The following TNIK variants were observed in gnomAD, a reference collection of about 807,000 sequenced individuals.
The protein encoded by TNIK is TRAF2 and NCK-interacting protein kinase.
A neutral mutation model predicts 191.3 loss-of-function variants in TNIK; 49 were observed. The ratio of observed to expected loss-of-function variants is 0.26; its 90% CI spans 0.20 to 0.32. The LOEUF (loss-of-function observed/expected upper bound fraction) is 0.32, where lower values mean the gene tolerates loss of function less well. Ranked by LOEUF, TNIK falls within the 10% of genes least tolerant of loss-of-function variation. The pLI, the probability that TNIK is intolerant of heterozygous loss-of-function variation, is 1.00. For synonymous variants in TNIK, 594 were observed against 600.9 expected, an observed-to-expected ratio of 0.99 and a Z score of 0.17; for missense variants, 1,155 against 1,702.3, an observed-to-expected ratio of 0.68 and a Z score of 5.66.
At position 171,108,034 on chromosome 3, in the gene TNIK, G is replaced by T. The variant is rs1022371965; in HGVS notation, c.2382+31C>A. ...CTGTGGGTTCTCTGGTAAATTAAGA[G>T]TTCAAAACTCTTGGAGAGAAAAGCA... On this transcript the variant is annotated intron_variant, in intron 20 of 32. Transcript: ENST00000436636. The T allele has an allele frequency of 1.5e-5, 23 of 1,549,570 alleles. No individual in the cohort carries two copies. The Admixed American group carries it at 4.5e-4, about 30-fold the overall frequency.
chr3:171,086,074 TC>T (rs1721325750), intron 24 of TNIK, among the ~76,000 whole-genome samples: 1 of 152,212 alleles, frequency 6.6e-6, no homozygotes, highest in African/African-American at 2.4e-5. Context: ...TCCTTTAACA[TC>T]ATAAACACAT....
intron 28 of TNIK, among the ~76,000 whole-genome samples, chr3:171,076,872 A>C (rs1720027831): frequency 6.6e-6 from 1 of 151,772 alleles, no homozygotes; most frequent in Non-Finnish European, 1.5e-5. Flanking sequence ...TGTAGTATGG[A>C]AAGGATTTAA....
Position 171,218,934 on chromosome 3 carries a change from A to C in TNIK, c.181-7693T>G, listed in dbSNP as rs1303009965. ...TTAAATATATATTTTTATATGTTTT[A>C]TATATATTTAATATATAATAAATAT... On this transcript the variant is annotated intron_variant, in intron 3 of 32. Transcript: ENST00000436636. Among the ~76,000 whole-genome samples the C allele has an allele frequency of 1.2e-3, 152 of 132,108 alleles. 2 individuals are homozygous for C. Among genetic ancestry groups the C allele is most frequent in the African/African-American group, 4.1e-3 (143 of 35,244 alleles). The allele number at this position is 132,108 out of a possible 152,430, so 86.7% of individuals were successfully genotyped here.
chr3:171,102,105 C>T (rs1167418685), intron 21 of TNIK: 2 of 152,776 alleles, frequency 1.3e-5, no homozygotes, highest in Non-Finnish European at 2.9e-5. Flanking sequence ...TAGAACAGAG[C>T]AACTCCCAAG....
At chr3:171,422,534 C>T (rs1723956635) in intron 1 of TNIK, among the ~76,000 whole-genome samples, 1 of 152,036 alleles carries the variant, frequency 6.6e-6, no homozygotes, top group Non-Finnish European at 1.5e-5. Flanking sequence ...TCTCAAAATG[C>T]CTTTTTTGTT....
intron 30 of TNIK, among the ~76,000 whole-genome samples, chr3:171,067,284 A>AT (rs1553796234): frequency 8.6e-5 from 13 of 152,014 alleles, no homozygotes; most frequent in South Asian, 2.1e-4. Flanking sequence ...GTGAAAAAAA[A>AT]ATATATATAT....
At chr3:171,257,189 A>T (rs143058746) in intron 2 of TNIK, among the ~76,000 whole-genome samples, 2,795 of 152,248 alleles carry the variant, frequency 0.018, 51 homozygotes, top group Non-Finnish European at 0.025. Context: ...GACTTAGAAG[A>T]AGCAAGGAAC....
intron 7 of TNIK, among the ~76,000 whole-genome samples, chr3:171,180,625 G>A (rs1351851574): frequency 6.6e-6 from 1 of 152,054 alleles, no homozygotes; most frequent in Non-Finnish European, 1.5e-5. Context: ...AGTGTTCTAG[G>A]GCTAGTAGAC....
chr3:171,431,312 T>G (rs1408537646), intron 1 of TNIK, among the ~76,000 whole-genome samples: 2 of 152,162 alleles, frequency 1.3e-5, no homozygotes, highest in East Asian at 3.9e-4. Context: ...CTATGATAGA[T>G]CTTGACGTAT....
intron 9 of TNIK, among the ~76,000 whole-genome samples, chr3:171,174,254 GT>G (rs1466408538): frequency 6.6e-6 from 1 of 152,160 alleles, no homozygotes; most frequent in African/African-American, 2.4e-5. Flanking sequence ...GAGCCTGTGT[GT>G]GGGTGGGTGG....
intron 1 of TNIK, among the ~76,000 whole-genome samples, chr3:171,419,655 C>T (rs1723514358): frequency 6.6e-6 from 1 of 152,224 alleles, no homozygotes; most frequent in Admixed American, 6.5e-5. Context: ...AGTCTCTGAA[C>T]CTCCAGTTCC....
chr3:171,264,230 C>A (rs56053312), intron 2 of TNIK, among the ~76,000 whole-genome samples: 10 of 150,736 alleles, frequency 6.6e-5, no homozygotes, highest in Non-Finnish European at 2.9e-5. Context: ...TTTCTATGAC[C>A]CTCACTGAAC....
intron 1 of TNIK, among the ~76,000 whole-genome samples, chr3:171,379,965 C>T (rs1041847270): frequency 7.9e-5 from 12 of 151,920 alleles, no homozygotes; most frequent in African/African-American, 1.7e-4. Flanking sequence ...GCTGAGATCA[C>T]GCCACTGCAC....
At chr3:171,199,416 A>G (rs568650818) in intron 4 of TNIK, among the ~76,000 whole-genome samples, 1 of 152,342 alleles carries the variant, frequency 6.6e-6, no homozygotes, top group African/African-American at 2.4e-5. Flanking sequence ...ATAATGGGTC[A>G]TTAAAATTCT....
intron 21 of TNIK, among the ~76,000 whole-genome samples, chr3:171,106,144 A>G (rs1422984264): frequency 1.3e-5 from 2 of 152,208 alleles, no homozygotes; most frequent in East Asian, 1.9e-4. Context: ...ACATGGAAAC[A>G]TGCTTCTCCT....
chr3:171,262,246 A>G (rs1747730218), intron 2 of TNIK, among the ~76,000 whole-genome samples: 1 of 152,056 alleles, frequency 6.6e-6, no homozygotes, highest in African/African-American at 2.4e-5. Flanking sequence ...AAACAACCAG[A>G]TTTAGTGTTT....
At chr3:171,201,335 G>T (rs1342075369) in intron 4 of TNIK, among the ~76,000 whole-genome samples, 1 of 152,122 alleles carries the variant, frequency 6.6e-6, no homozygotes, top group East Asian at 1.9e-4. Context: ...GGCTGCGAAG[G>T]TTGTGGTGAG....
At chr3:171,260,844 G>A (rs1407790538) in intron 2 of TNIK, among the ~76,000 whole-genome samples, 1 of 152,164 alleles carries the variant, frequency 6.6e-6, no homozygotes, top group Non-Finnish European at 1.5e-5. Context: ...CAAATAGGAT[G>A]TTTTTCCAAA....
At chr3:171,196,495 G>A (rs1364183179) in intron 4 of TNIK, among the ~76,000 whole-genome samples, 1 of 152,096 alleles carries the variant, frequency 6.6e-6, no homozygotes, top group Non-Finnish European at 1.5e-5. Context: ...AGAGGACTGA[G>A]GAACATGTAA....
Sources: allele counts gnomAD v4.1 joint callset (sites outside exome capture counted in the v4.1 genomes callset), GRCh38; gene constraint gnomAD v4.1.1; transcripts MANE v1.5; gene names NCBI Gene and HGNC (gene_info 2026-07-23, HGNC 2026-07-21).